RIPOR1: variants seen among roughly 807,000 people sequenced by gnomAD.
RIPOR1 encodes RHO family interacting cell polarization regulator 1, also known as rho family-interacting cell polarization regulator 1.
Under a neutral mutation model 116.5 loss-of-function variants are expected in RIPOR1, and 58 were observed. That is an observed-to-expected ratio of 0.50 (90% confidence interval 0.40 to 0.62). The LOEUF is 0.62. Ranked by LOEUF, RIPOR1 falls within the 20% of genes least tolerant of loss-of-function variation. RIPOR1 has a pLI of 0.00. For missense variants in RIPOR1, 1,372 were observed against 1,586.2 expected (o/e 0.86, Z 2.29); for synonymous variants, 605 against 650.0 (o/e 0.93, Z 1.05).
Position 67,546,561 on chromosome 16 carries a change from C to T in RIPOR1, c.*98C>T. 1.1e-6 allele frequency: 1 copy of T among 880,542 alleles called. No individual in the cohort carries two copies. The highest frequency in any genetic ancestry group is 2.6e-5 in the East Asian group (1 of 38,852). 54.5% of individuals were successfully genotyped at this position (880,542 alleles called of 1,614,324 possible). A position where few individuals can be genotyped will look rare whatever the true frequency, so the allele number is the denominator to read the frequency against. On this transcript the variant is annotated 3_prime_UTR_variant, in exon 22 of 22. Transcript: ENST00000042381. ...TAAGGGCTGGCTCCAGATACCCCTC[C>T]CCCACAGATTCCTAGCAATGAAAAT...
In RIPOR1 at chr16:67,544,400, G is replaced by A. The variant is rs572908328; in HGVS notation, c.2702G>A (p.Arg901Gln). The A allele has an allele frequency of 1.1e-5, 18 of 1,612,440 alleles. No individual in the cohort carries two copies. The Admixed American group carries it at 1.5e-4, about 13-fold the overall frequency. Residue 901 changes from arginine to glutamine, a missense_variant, in exon 15 of 22, where the codon CGG (arginine) becomes CAG (glutamine). By Grantham distance (43) the Arg-to-Gln change is conservative. This residue lies in a region of RIPOR1 where 1,005 missense variants were observed against 1,144.7 expected (regional missense o/e 0.88). Coordinates refer to ENST00000042381, the MANE Select transcript of RIPOR1 (RefSeq NM_024519.4). This position sits in a 1 kb window ranked among gnomAD's most constrained non-coding sequence, Gnocchi z 5.1. The stretch of plus-strand genomic sequence containing the variant: ...CCAGCTCTGGATGCTGCCTTGGTCC[G>A]GCACCTGTACCACTGCAGTCGCCTC... Reference protein sequence around the residue: ...GCPALDAALVRHLYHCSRLLL... With the variant: ...GCPALDAALVQHLYHCSRLLL...
Position 67,544,252 on chromosome 16 carries a change from G to C in RIPOR1, c.2601-47G>C, listed in dbSNP as rs375195104. The C allele has an allele frequency of 5.2e-5, 81 of 1,566,430 alleles. 1 individual carries two copies. The East Asian group carries it at 1.2e-3, about 23-fold the overall frequency. On this transcript the variant is annotated intron_variant, in intron 14 of 21. Coordinates refer to ENST00000042381, the MANE Select transcript of RIPOR1 (RefSeq NM_024519.4). The surrounding 1 kb of genome is among the most constrained non-coding windows in gnomAD (Gnocchi z 5.1). ...TAATAAAAATAAACGCTGGTGACCA[G>C]GTGGTGATGTGTGCCTGTGGGGTGG...
At chr16:67,524,739 C>T (rs2050526113), upstream of RIPOR1, among the ~76,000 whole-genome samples, 3 of 152,360 alleles carry the variant, frequency 2.0e-5, no homozygotes, top group South Asian at 6.2e-4. Flanking sequence ...TCCCTTCAGT[C>T]ACCAAGCTCT....
intron 4 of RIPOR1, chr16:67,539,475 C>T (rs2050906576): frequency 1.7e-6 from 1 of 583,570 alleles, no homozygotes. Flanking sequence ...AGAGCTCTCC[C>T]CAGGCGGCTG....
At chr16:67,539,207 T>C (rs890361191) in intron 4 of RIPOR1, 139 bp downstream of exon 4, 3 of 716,392 alleles carry the variant, frequency 4.2e-6, no homozygotes, top group Non-Finnish European at 6.8e-6. Context: ...CAGGAAAGGC[T>C]GAGGGGCTTT....
At position 67,541,336 on chromosome 16, in the gene RIPOR1, A is replaced by G. The variant is rs2050975239; in HGVS notation, c.802-94A>G. 1.4e-6 allele frequency: 2 copies of G among 1,442,384 alleles called. No individual in the cohort carries two copies. Among genetic ancestry groups the G allele is most frequent in the Middle Eastern group, 2.6e-4 (1 of 3,888 alleles). 89.3% of individuals were successfully genotyped at this position (1,442,384 alleles called of 1,614,324 possible). ...CCTCCTGCCTCAGCCTCCCATGACC[A>G]TTTTATAAGTTCTATGCAAATTCAG... On this transcript the variant is annotated intron_variant, in intron 10 of 21. Transcript: ENST00000042381. This position sits in a 1 kb window ranked among gnomAD's most constrained non-coding sequence, Gnocchi z 4.6.
Position 67,538,653 on chromosome 16 carries a change from A to T in RIPOR1, c.105-19A>T, listed in dbSNP as rs760915192. The T allele has an allele frequency of 1.2e-6, 2 of 1,611,320 alleles. No homozygotes were observed. The highest frequency in any genetic ancestry group is 1.7e-6 in the Non-Finnish European group (2 of 1,179,014). On this transcript the variant is annotated intron_variant, in intron 2 of 21. Transcript: ENST00000042381. ...GGGGACTCCTGCTCTCCTCTTTCTG[A>T]GGACAGCCTCTCCTTCAGGAGTTTC...
At chr16:67,520,248 G>T (rs569610578) in intron 1 of RIPOR1, among the ~76,000 whole-genome samples, 1 of 151,714 alleles carries the variant, frequency 6.6e-6, no homozygotes, top group East Asian at 1.9e-4. Context: ...GGGCATGGTT[G>T]TGTGTGCCTG....
chr16:67,543,648 C>A lies in RIPOR1; in HGVS notation c.2600+179C>A. ...CAGGTGCACCTGTGTCCACCCCTCC[C>A]ATGTCCTTCATGCCCATGTCTCCAA... On this transcript the variant is annotated intron_variant, in intron 14 of 21. Coordinates refer to ENST00000042381, the MANE Select transcript of RIPOR1 (RefSeq NM_024519.4). This position sits in a 1 kb window ranked among gnomAD's most constrained non-coding sequence, Gnocchi z 4.7. 1 of 774,546 alleles carries A rather than the reference C, an allele frequency of 1.3e-6. No homozygotes were observed. Among genetic ancestry groups the A allele is most frequent in the Non-Finnish European group, 2.1e-6 (1 of 478,122 alleles). The allele number at this position is 774,546 out of a possible 1,614,324, so 48.0% of individuals were successfully genotyped here.
At chr16:67,523,538 A>C (rs974275090) in intron 1 of RIPOR1, among the ~76,000 whole-genome samples, 29 of 151,156 alleles carry the variant, frequency 1.9e-4, no homozygotes, top group Admixed American at 7.9e-4. Context: ...AAAAAAAAAA[A>C]AAAAAAAAAA....
chr16:67,524,414 C>T (rs917863861), upstream of RIPOR1, among the ~76,000 whole-genome samples: 2 of 152,192 alleles, frequency 1.3e-5, no homozygotes, highest in Non-Finnish European at 2.9e-5. Context: ...TCCAACAGGC[C>T]GTGGTGCTTT....
chr16:67,523,750 G>T (rs1424009817), intron 1 of RIPOR1, among the ~76,000 whole-genome samples: 1 of 150,968 alleles, frequency 6.6e-6, no homozygotes, highest in African/African-American at 2.4e-5. Context: ...GCACAATCAC[G>T]GCTCACTGCA....
In RIPOR1 at chr16:67,523,481, G is replaced by A. The variant is rs144471077; in HGVS notation, c.-24+4868G>A. 3.7e-3 allele frequency among the ~76,000 whole-genome samples: 477 copies of A among 129,510 alleles called. 7 individuals carry two copies. In the East Asian group the frequency reaches 0.072, roughly 20 times the overall value. 85.0% of individuals were successfully genotyped at this position (129,510 alleles called of 152,430 possible). On this transcript the variant is annotated intron_variant, in intron 1 of 1. Transcript: ENST00000562116. ...GCAGAGGTTGCAGTGAGCCGAGATCGCGCCACTGCACTCCAGCCTAGTGAC... is the reference window on the plus strand; with the variant it reads ...GCAGAGGTTGCAGTGAGCCGAGATCACGCCACTGCACTCCAGCCTAGTGAC...
rs551353238 is a variant in RIPOR1 at position 67,537,392 on chromosome 16, G to A, written c.-23-1032G>A. 187 of 1,229,766 alleles carry A rather than the reference G, an allele frequency of 1.5e-4. No homozygotes were observed. The East Asian group carries it at 5.7e-3, about 38-fold the overall frequency. The allele number at this position is 1,229,766 out of a possible 1,614,324, so 76.2% of individuals were successfully genotyped here. On this transcript the variant is annotated intron_variant, in intron 1 of 21. Transcript: ENST00000042381. The surrounding 1 kb of genome is among the most constrained non-coding windows in gnomAD (Gnocchi z 4.6). ...CTCCCCGAGGGGAACCCCAGTCACC[G>A]GTCCCGCCCCATCCAGGCGGGCTGA...
intron 1 of RIPOR1, among the ~76,000 whole-genome samples, chr16:67,533,509 A>G (rs2050714712): frequency 6.6e-6 from 1 of 152,048 alleles, no homozygotes; most frequent in African/African-American, 2.4e-5. Flanking sequence ...GTCTCTTGAA[A>G]TTCAGGGGAA....
At position 67,541,899 on chromosome 16, in the gene RIPOR1, T is replaced by C. The variant is rs766116743; in HGVS notation, c.1113T>C (p.Asn371=). The change falls in exon 13 of 22, where the codon AAT becomes AAC. Residue 371 remains asparagine, a synonymous_variant. Transcript: ENST00000042381. The surrounding 1 kb of genome is among the most constrained non-coding windows in gnomAD (Gnocchi z 4.6). ...TGCGACGGCAGGAGGAGCTGGAGAA[T>C]GGGACAGCATGGTCCCTGTCATCTG... ...NMLRRQEELE[N]GTAWSLSSES... The C allele has an allele frequency of 3.1e-6, 5 of 1,610,112 alleles. No homozygotes were observed. The African/African-American group carries it at 6.7e-5, about 22-fold the overall frequency.
Position 67,540,764 on chromosome 16 carries a change from A to G in RIPOR1, c.801+60A>G. 4.0e-6 allele frequency: 6 copies of G among 1,507,096 alleles called. No individual in the cohort carries two copies. Among genetic ancestry groups the G allele is most frequent in the South Asian group, 1.3e-5 (1 of 76,358 alleles). The allele number at this position is 1,507,096 out of a possible 1,614,324, so 93.4% of individuals were successfully genotyped here. ...GCCCTGTGAACCCCTTGTGACCCCC[A>G]TTACCCTGAGTCCCTTACTCCTGTG... On this transcript the variant is annotated intron_variant, in intron 10 of 21. Transcript: ENST00000042381. The surrounding 1 kb of genome is among the most constrained non-coding windows in gnomAD (Gnocchi z 4.7).
At position 67,542,828 on chromosome 16, in the gene RIPOR1, C is replaced by T. The variant is rs915728229; in HGVS notation, c.2042C>T (p.Ser681Phe). 1 of 1,613,980 alleles carries T rather than the reference C, an allele frequency of 6.2e-7. No individual in the cohort carries two copies. The highest frequency in any genetic ancestry group is 8.5e-7 in the Non-Finnish European group (1 of 1,179,996). ...CTTATAAATGTAAGCCCTTCCACTTCTCTAGAACTTGCTACCCTCTCCAGC... is the reference window on the plus strand; with the variant it reads ...CTTATAAATGTAAGCCCTTCCACTTTTCTAGAACTTGCTACCCTCTCCAGC... The part of the protein sequence containing the change: ...PILINVSPST[S>F]LELATLSSPS... Residue 681 changes from serine to phenylalanine, a missense_variant, in exon 13 of 22, where the codon TCT becomes TTT. By Grantham distance (155) the Ser-to-Phe change is radical (BLOSUM62 -2). This residue lies in a region of RIPOR1 where 1,005 missense variants were observed against 1,144.7 expected (regional missense o/e 0.88). Transcript: ENST00000042381. The surrounding 1 kb of genome is among the most constrained non-coding windows in gnomAD (Gnocchi z 4.6).
At chr16:67,546,057 C>T (rs1567580826) in intron 20 of RIPOR1, 25 bp downstream of exon 20, 2 of 1,610,772 alleles carry the variant, frequency 1.2e-6, no homozygotes, top group African/African-American at 1.3e-5. Context: ...CCCTCCCACC[C>T]CTCTGTCCGC....
Sources: allele counts gnomAD v4.1 joint callset (sites outside exome capture counted in the v4.1 genomes callset), GRCh38; gene constraint gnomAD v4.1.1; regional missense constraint gnomAD v4.1.1; non-coding constraint Gnocchi (gnomAD v3.1); transcripts MANE v1.5; gene names NCBI Gene and HGNC (gene_info 2026-07-23, HGNC 2026-07-21).